Variants in GPHN observed in about 807,000 individuals in gnomAD.
GPHN encodes gephyrin.
Under a neutral mutation model 95.5 loss-of-function variants are expected in GPHN, and 17 were observed. That is an observed-to-expected ratio of 0.18 (90% CI 0.12 to 0.27). The LOEUF is 0.27. Ranked by LOEUF, GPHN falls within the 10% of genes least tolerant of loss-of-function variation. The pLI is 1.00. For missense variants in GPHN, 660 were observed against 978.1 expected, an observed-to-expected ratio of 0.67 and a Z score of 4.34; for synonymous variants, 320 against 322.5, an observed-to-expected ratio of 0.99 and a Z score of 0.08.
the GPHN span, among the ~76,000 whole-genome samples, chr14:67,394,456 C>A: frequency 1.2e-4 from 19 of 152,136 alleles, no homozygotes; most frequent in Non-Finnish European, 2.4e-4. Context: ...TCTCTGTGAT[C>A]CCCTGCATTA....
the GPHN span, among the ~76,000 whole-genome samples, chr14:67,499,780 G>A: frequency 6.6e-6 from 1 of 152,118 alleles, no homozygotes; most frequent in Non-Finnish European, 1.5e-5. Context: ...TTATTTAATG[G>A]TGGGGGAAAG....
At chr14:67,561,822 A>T in the GPHN span, 1 of 681,970 alleles carries the variant, frequency 1.5e-6, no homozygotes, top group Non-Finnish European at 2.5e-6. Flanking sequence ...GTGAGCCAAA[A>T]TTGCTCCACT....
At chr14:67,470,013 AAAGT>A in the GPHN span, among the ~76,000 whole-genome samples, 1 of 152,206 alleles carries the variant, frequency 6.6e-6, no homozygotes, top group Admixed American at 6.5e-5. Flanking sequence ...GCGTGGCACC[AAAGT>A]AAGGCCTGGA....
chr14:67,689,878 A>G, the GPHN span, among the ~76,000 whole-genome samples: 1 of 152,016 alleles, frequency 6.6e-6, no homozygotes, highest in African/African-American at 2.4e-5. Flanking sequence ...TGGGAAGTGG[A>G]GGTCGGCAGT....
the GPHN span, chr14:67,691,283 C>G: frequency 4.8e-6 from 7 of 1,449,032 alleles, no homozygotes; most frequent in East Asian, 1.6e-4. Flanking sequence ...AGTGGCTAGC[C>G]AAGGCTATTA....
chr14:67,240,504 G>A, the GPHN span, among the ~76,000 whole-genome samples: 2 of 152,238 alleles, frequency 1.3e-5, no homozygotes. Context: ...TGGCCTCATA[G>A]AAGGAGAGGT....
At chr14:66,624,221 A>G (rs2063429918) in intron 1 of GPHN, among the ~76,000 whole-genome samples, 2 of 152,212 alleles carry the variant, frequency 1.3e-5, no homozygotes, top group Admixed American at 1.3e-4. Context: ...GTTCATTAAT[A>G]TGGCATAAGA....
the GPHN span, among the ~76,000 whole-genome samples, chr14:67,672,215 C>T: frequency 5.3e-5 from 8 of 151,124 alleles, no homozygotes; most frequent in African/African-American, 1.9e-4. Flanking sequence ...AGCTCCAGGG[C>T]CCAAGTGATC....
the GPHN span, among the ~76,000 whole-genome samples, chr14:67,434,484 G>A: frequency 6.6e-6 from 1 of 152,188 alleles, no homozygotes; most frequent in African/African-American, 2.4e-5. Context: ...TTAAAATGGG[G>A]CTGAAGGACT....
intron 1 of GPHN, among the ~76,000 whole-genome samples, chr14:66,517,775 T>G (rs1279771559): frequency 7.8e-6 from 1 of 128,128 alleles, no homozygotes; most frequent in Non-Finnish European, 1.5e-5. Context: ...CCTCTTATTC[T>G]GTACAAAAAT....
chr14:66,632,185 T>C (rs1443186135), intron 1 of GPHN, among the ~76,000 whole-genome samples: 3 of 152,158 alleles, frequency 2.0e-5, no homozygotes, highest in Non-Finnish European at 4.4e-5. Flanking sequence ...AATGATTAGA[T>C]TAAATGAGAT....
chr14:67,365,026 CTG>C, the GPHN span: 5 of 1,562,512 alleles, frequency 3.2e-6, no homozygotes, highest in African/African-American at 6.9e-5. Flanking sequence ...AGAAAAATAT[CTG>C]TAATATAAAT....
chr14:66,878,265 A>T (rs1596251766), intron 4 of GPHN, among the ~76,000 whole-genome samples: 1 of 152,192 alleles, frequency 6.6e-6, no homozygotes, highest in Admixed American at 6.5e-5. Context: ...CTAAAACTAT[A>T]AAAACCCTAG....
intron 9 of GPHN, among the ~76,000 whole-genome samples, chr14:66,975,615 C>T (rs965507658): frequency 2.0e-5 from 3 of 151,864 alleles, no homozygotes; most frequent in Non-Finnish European, 2.9e-5. Flanking sequence ...CACAGTGGCT[C>T]ATGCCTATAA....
the GPHN span, among the ~76,000 whole-genome samples, chr14:67,557,744 G>T: frequency 6.6e-6 from 1 of 152,180 alleles, no homozygotes; most frequent in African/African-American, 2.4e-5. Flanking sequence ...ATAAAAGAAG[G>T]GTGGAAACAC....
the GPHN span, among the ~76,000 whole-genome samples, chr14:67,568,541 A>G: frequency 2.0e-4 from 30 of 152,266 alleles, no homozygotes; most frequent in Middle Eastern, 3.4e-3. Flanking sequence ...GACCACCATG[A>G]CACACGTTTA....
chr14:66,732,526 G>A (rs779523657), intron 2 of GPHN, among the ~76,000 whole-genome samples: 45 of 152,264 alleles, frequency 3.0e-4, no homozygotes, highest in Non-Finnish European at 5.1e-4. Context: ...ACTAGCTTGG[G>A]TCCTTTTTGA....
At chr14:67,489,195 T>C in the GPHN span, among the ~76,000 whole-genome samples, 1 of 152,168 alleles carries the variant, frequency 6.6e-6, no homozygotes, top group Non-Finnish European at 1.5e-5. Flanking sequence ...AATGGTCACC[T>C]CTATTTTAGA....
chr14:67,695,870 CT>C, the GPHN span: 1 of 613,792 alleles, frequency 1.6e-6, no homozygotes, highest in Non-Finnish European at 2.9e-6. Flanking sequence ...CGTGGGAGCG[CT>C]GCCGCCAACG....
Sources: allele counts gnomAD v4.1 joint callset (sites outside exome capture counted in the v4.1 genomes callset), GRCh38; gene constraint gnomAD v4.1.1; transcripts MANE v1.5; gene names NCBI Gene and HGNC (gene_info 2026-07-23, HGNC 2026-07-21).